EIF2B1: variants seen among roughly 807,000 people sequenced by gnomAD.
EIF2B1 encodes the protein eukaryotic translation initiation factor 2B subunit alpha, also known as translation initiation factor eIF2B subunit alpha.
EIF2B1 carries 30 observed loss-of-function variants against 36.8 expected under a neutral mutation model. The ratio of observed to expected loss-of-function variants is 0.81; its 90% CI spans 0.61 to 1.10. EIF2B1 has a LOEUF of 1.10. EIF2B1 is among the 50% of genes least tolerant of loss of function. The pLI is 0.00. For missense variants in EIF2B1, 271 were observed against 374.8 expected, an observed-to-expected ratio of 0.72 and a Z score of 2.29; for synonymous variants, 139 against 142.2, an observed-to-expected ratio of 0.98 and a Z score of 0.16.
At chr12:123,629,467 T>A (rs982791346) in intron 4 of EIF2B1, among the ~76,000 whole-genome samples, 5 of 152,222 alleles carry the variant, frequency 3.3e-5, no homozygotes, top group Non-Finnish European at 7.3e-5. Flanking sequence ...CATACAATCA[T>A]AAAAATACTT....
chr12:123,633,610 G>T lies in EIF2B1; in HGVS notation c.-53C>A. The T allele has an allele frequency of 1.2e-6, 2 of 1,601,448 alleles. No homozygotes were observed. The highest frequency in any genetic ancestry group is 1.7e-6 in the Non-Finnish European group (2 of 1,179,346). On this transcript the variant is annotated 5_prime_UTR_variant, in exon 1 of 9. Coordinates refer to ENST00000424014, the MANE Select transcript of EIF2B1 (RefSeq NM_001414.4). ...GGACCCGAGCCGCCCGCGCTGTCTC[G>T]AACGGGTCCGCCGGCCGCGCCGCCT...
rs749254137 is a variant in EIF2B1 at position 123,630,414 on chromosome 12, C to T, written c.235G>A (p.Ala79Thr). 1 of 1,614,112 alleles carries T rather than the reference C, an allele frequency of 6.2e-7. No homozygotes were observed. Among genetic ancestry groups the T allele is most frequent in the South Asian group, 1.1e-5 (1 of 91,086 alleles). ...GCACTTACGGAGTATTCCAGGGAGG[C>T]AAGACTGATGAAGCGGAGGAAGAGC... ...GELFLRFISLASLEYSDYSKC... is the reference protein window; with the variant it reads ...GELFLRFISLTSLEYSDYSKC... The change falls in exon 3 of 9, where the codon GCC becomes ACC. Residue 79 changes from alanine to threonine, a missense_variant. Ala to Thr is a moderately conservative substitution (Grantham distance 58). Coordinates refer to ENST00000424014, the MANE Select transcript of EIF2B1 (RefSeq NM_001414.4). This position sits in a 1 kb window ranked among gnomAD's most constrained non-coding sequence, Gnocchi z 4.6.
chr12:123,630,218 G>C lies in EIF2B1; in HGVS notation c.320C>G (p.Ser107Ter). 6.2e-7 allele frequency: 1 copy of C among 1,614,040 alleles called. No individual in the cohort carries two copies. Among genetic ancestry groups the C allele is most frequent in the Non-Finnish European group, 8.5e-7 (1 of 1,180,036 alleles). ...GELFLRRISLSRNKIADLCHT... is the reference protein window; with the variant it reads ...GELFLRRISL ...GCACAGATCTGCAATTTTGTTTCTT[G>C]ACAGTGATATTCTCCTGAGAAAAAG... The change falls in exon 4 of 9, where the codon TCA becomes TGA. Residue 107 changes from serine (S) to a stop codon, truncating the protein, a stop_gained. Coordinates refer to ENST00000424014, the MANE Select transcript of EIF2B1 (RefSeq NM_001414.4). LOFTEE classifies it high-confidence loss of function. This position sits in a 1 kb window ranked among gnomAD's most constrained non-coding sequence, Gnocchi z 4.6.
At position 123,622,700 on chromosome 12, in the gene EIF2B1, G is replaced by A; in HGVS notation, c.689C>T (p.Ala230Val). ...GAGCCGGACAAACTTGAAACTTTCT[G>A]CAACCACATAGAAAGGTTTGTTCTG... is the stretch of plus-strand genomic sequence containing the variant. The part of the protein sequence containing the change: ...KAQNKPFYVV[A>V]ESFKFVRLFP... Residue 230 changes from alanine (A) to valine (V), a missense_variant, in exon 8 of 9, where the codon GCA becomes GTA. Coordinates refer to ENST00000424014, the MANE Select transcript of EIF2B1 (RefSeq NM_001414.4). 6.2e-7 allele frequency: 1 copy of A among 1,614,204 alleles called. No individual in the cohort carries two copies. Among genetic ancestry groups the A allele is most frequent in the Non-Finnish European group, 8.5e-7 (1 of 1,180,020 alleles).
chr12:123,623,284 G>T (rs1955122215), intron 7 of EIF2B1, among the ~76,000 whole-genome samples: 1 of 152,070 alleles, frequency 6.6e-6, no homozygotes, highest in Non-Finnish European at 1.5e-5. Context: ...TACTAGGGAG[G>T]CTGAAGCAGG....
At chr12:123,632,282 A>AG (rs1955197993) in intron 2 of EIF2B1, 63 bp downstream of exon 2, 8 of 1,130,962 alleles carry the variant, frequency 7.1e-6, no homozygotes, top group South Asian at 5.4e-5. Context: ...AAAAAAAAAA[A>AG]AAAGAAAAGA....
intron 6 of EIF2B1, 147 bp from the exon 7 acceptor site, chr12:123,625,009 G>A: frequency 1.4e-6 from 1 of 709,464 alleles, no homozygotes; most frequent in Admixed American, 2.1e-5. Flanking sequence ...ACACGCGATA[G>A]ACCCCTGGCA....
chr12:123,622,904 G>T, intron 7 of EIF2B1, 143 bp from the exon 8 acceptor site: 1 of 1,224,778 alleles, frequency 8.2e-7, no homozygotes, highest in Non-Finnish European at 1.2e-6. Context: ...GAACCCATGA[G>T]TTTGGGACCA....
intron 6 of EIF2B1, chr12:123,626,209 A>T (rs1955147364): frequency 3.4e-6 from 2 of 592,318 alleles, no homozygotes; most frequent in Non-Finnish European, 6.1e-6. Flanking sequence ...CTATAGACAC[A>T]ACTCCCACTC....
At chr12:123,631,871 G>A (rs1192138209) in intron 2 of EIF2B1, among the ~76,000 whole-genome samples, 1 of 152,056 alleles carries the variant, frequency 6.6e-6, no homozygotes. Flanking sequence ...CTACTCAGAA[G>A]GCTGAGGCAG....
chr12:123,627,097 C>G lies in EIF2B1; in HGVS notation c.429G>C (p.Ala143=). Reference sequence around the variant, plus strand: ...CGTATACACTAAATCGCTTCTTGGCCGCCACGGCTGCTTCCAGGACTCTCA... The same window carrying G: ...CGTATACACTAAATCGCTTCTTGGCGGCCACGGCTGCTTCCAGGACTCTCA... ...VVLRVLEAAV[A]AKKRFSVYVT... Residue 143 remains alanine, a synonymous_variant, in exon 5 of 9, where the codon GCG becomes GCC. Transcript: ENST00000424014. 6.2e-7 allele frequency: 1 copy of G among 1,614,156 alleles called. No homozygotes were observed.
At chr12:123,632,291 G>GA (rs1167365932) in intron 2 of EIF2B1, 54 bp downstream of exon 2, 26 of 912,934 alleles carry the variant, frequency 2.8e-5, no homozygotes, top group Middle Eastern at 2.7e-4. Flanking sequence ...AAAAAGAAAA[G>GA]AAAAAAAAGA....
At position 123,633,551 on chromosome 12, in the gene EIF2B1, C is replaced by G. The variant is rs185814675; in HGVS notation, c.7G>C (p.Asp3His). Residue 3 changes from aspartate (D) to histidine (H), a missense_variant, in exon 1 of 9, where the codon GAC becomes CAC. By Grantham distance (81) the Asp-to-His change is moderately conservative (BLOSUM62 -1). Coordinates refer to ENST00000424014, the MANE Select transcript of EIF2B1 (RefSeq NM_001414.4). MD[D>H]KELIEYFKSQ... ...CTGGCCTGTCTTGATTTACCCTTGTCGTCCATGGCGTCCTCCTGCTGCGGA... is the reference window on the plus strand; with the variant it reads ...CTGGCCTGTCTTGATTTACCCTTGTGGTCCATGGCGTCCTCCTGCTGCGGA... 18 of 1,612,678 alleles carry G rather than the reference C, an allele frequency of 1.1e-5. No homozygotes were observed. Among genetic ancestry groups the G allele is most frequent in the Non-Finnish European group, 1.4e-5 (17 of 1,180,024 alleles).
intron 5 of EIF2B1, 81 bp downstream of exon 5, chr12:123,626,963 T>C: frequency 7.7e-7 from 1 of 1,294,188 alleles, no homozygotes; most frequent in East Asian, 2.3e-5. Flanking sequence ...CACATTCTGG[T>C]TCTGATCCTG....
intron 6 of EIF2B1, among the ~76,000 whole-genome samples, chr12:123,625,536 A>G (rs544634357): frequency 1.3e-5 from 2 of 152,316 alleles, no homozygotes; most frequent in African/African-American, 4.8e-5. Flanking sequence ...ATGAAGGCCA[A>G]TTTAGTCTTT....
chr12:123,633,435 C>G, intron 1 of EIF2B1, 110 bp downstream of exon 1: 1 of 1,513,474 alleles, frequency 6.6e-7, no homozygotes, highest in Non-Finnish European at 9.2e-7. Context: ...AGCGGAGCAG[C>G]CTGAAATTCA....
Position 123,620,629 on chromosome 12 carries a change from A to ATATAG in EIF2B1, c.*1126_*1127insCTATA, listed in dbSNP as rs1566211855. On this transcript the variant is annotated 3_prime_UTR_variant, in exon 9 of 9. Transcript: ENST00000424014. ...ATATATATATATATATATATATATA[A>ATATAG]GCTCTTTTTTCTGAGGCTATTTTAT... 6.6e-5 allele frequency: 4 copies of ATATAG among 60,828 alleles called. No homozygotes were observed. Among genetic ancestry groups the ATATAG allele is most frequent in the African/African-American group, 1.1e-4 (2 of 18,202 alleles). 3.8% of individuals were successfully genotyped at this position (60,828 alleles called of 1,614,324 possible).
At position 123,624,777 on chromosome 12, in the gene EIF2B1, A is replaced by C. The variant is rs371883161; in HGVS notation, c.627+10T>G. ...TTGAGCAGGGAACTGGGGAGAACTG[A>C]TGCTCTTACCTTGTTAATAATTCCT... On this transcript the variant is annotated intron_variant, in intron 7 of 8. Transcript: ENST00000424014. The C allele has an allele frequency of 3.1e-6, 5 of 1,613,008 alleles. No individual in the cohort carries two copies. Among genetic ancestry groups the C allele is most frequent in the Non-Finnish European group, 4.2e-6 (5 of 1,179,120 alleles).
chr12:123,633,464 G>A, intron 1 of EIF2B1, 81 bp downstream of exon 1: 1 of 1,589,108 alleles, frequency 6.3e-7, no homozygotes, highest in Non-Finnish European at 8.6e-7. Flanking sequence ...CTCTTCGGGA[G>A]CTCAGCCTGG....
Sources: allele counts gnomAD v4.1 joint callset (sites outside exome capture counted in the v4.1 genomes callset), GRCh38; gene constraint gnomAD v4.1.1; non-coding constraint Gnocchi (gnomAD v3.1); transcripts MANE v1.5; gene names NCBI Gene and HGNC (gene_info 2026-07-23, HGNC 2026-07-21).